DCK: variants seen among roughly 807,000 people sequenced by gnomAD.
DCK encodes the protein deoxycytidine kinase.
DCK carries 23 observed loss-of-function variants against 38.3 expected under a neutral mutation model. The ratio of observed to expected loss-of-function variants is 0.60; its 90% CI spans 0.43 to 0.85. DCK has a LOEUF of 0.85. Ranked by LOEUF, DCK falls within the 40% of genes least tolerant of loss-of-function variation. The pLI, the probability that DCK is intolerant of heterozygous loss-of-function variation, is 0.00. For missense variants in DCK, 259 were observed against 304.4 expected, an observed-to-expected ratio of 0.85 and a Z score of 1.11; for synonymous variants, 108 against 100.6, an observed-to-expected ratio of 1.07 and a Z score of -0.44.
At chr4:70,998,324 G>GAT (rs1739705806) in intron 2 of DCK, 142 bp downstream of exon 2, 2 of 469,024 alleles carry the variant, frequency 4.3e-6, no homozygotes, top group Admixed American at 4.0e-5. Context: ...TGGTTACATG[G>GAT]ATATATATAC....
At chr4:71,022,315 C>A in intron 2 of DCK, 52 bp from the exon 3 acceptor site, 5 of 966,268 alleles carry the variant, frequency 5.2e-6, no homozygotes, top group Non-Finnish European at 7.5e-6. Context: ...ATTAAAATAG[C>A]CCTATTGACC....
At chr4:71,015,359 G>A (rs1740232292) in intron 2 of DCK, among the ~76,000 whole-genome samples, 1 of 152,206 alleles carries the variant, frequency 6.6e-6, no homozygotes, top group Non-Finnish European at 1.5e-5. Context: ...GCAGTACAAG[G>A]AGGAGCTGGT....
intron 2 of DCK, among the ~76,000 whole-genome samples, chr4:71,009,513 G>C (rs774395176): frequency 6.6e-6 from 1 of 152,112 alleles, no homozygotes; most frequent in Non-Finnish European, 1.5e-5. Context: ...CATGTTTATG[G>C]GATGGGACAT....
rs1740655513 is a variant in DCK, at chr4:71,030,318, G to T, written c.*940G>T. ...ATATATTTTCTTTCTAGTTTGTTTA[G>T]TTAAGGTGTGCAGTGTTTTTCCTGT... On this transcript the variant is annotated 3_prime_UTR_variant, in exon 7 of 7. Coordinates refer to ENST00000286648, the MANE Select transcript of DCK (RefSeq NM_000788.3). The T allele has an allele frequency of 6.6e-6, 1 of 152,100 alleles. No homozygotes were observed. Among genetic ancestry groups the T allele is most frequent in the African/African-American group, 2.4e-5 (1 of 41,408 alleles). 9.4% of individuals were successfully genotyped at this position (152,100 alleles called of 1,614,324 possible).
At chr4:71,013,867 C>G (rs1182105551) in intron 2 of DCK, among the ~76,000 whole-genome samples, 2 of 152,112 alleles carry the variant, frequency 1.3e-5, no homozygotes, top group Non-Finnish European at 2.9e-5. Context: ...AGCAAAATAA[C>G]CAGCTAACAT....
chr4:71,030,379 T>G lies in DCK; in HGVS notation c.*1001T>G, dbSNP rs559444629. On this transcript the variant is annotated 3_prime_UTR_variant, in exon 7 of 7. Transcript: ENST00000286648. ...TTTCCATTTTACGTTTTAGAAAATTTTATGTATTTTAAAATAAGGGGAAGA... is the reference window on the plus strand; with the variant it reads ...TTTCCATTTTACGTTTTAGAAAATTGTATGTATTTTAAAATAAGGGGAAGA... 1 of 152,286 alleles carries G rather than the reference T, an allele frequency of 6.6e-6. No individual in the cohort carries two copies. The highest frequency in any genetic ancestry group is 2.1e-4 in the South Asian group (1 of 4,830). 9.4% of individuals were successfully genotyped at this position (152,286 alleles called of 1,614,324 possible). A position where few individuals can be genotyped will look rare whatever the true frequency, so the allele number is the denominator to read the frequency against.
intron 2 of DCK, among the ~76,000 whole-genome samples, chr4:71,021,161 C>T (rs995371886): frequency 2.0e-5 from 3 of 150,672 alleles, no homozygotes; most frequent in African/African-American, 7.3e-5. Context: ...CTGCAAGCTC[C>T]GCTTCCCGGG....
At chr4:71,015,432 A>G (rs1462228964) in intron 2 of DCK, among the ~76,000 whole-genome samples, 4 of 152,244 alleles carry the variant, frequency 2.6e-5, no homozygotes, top group Non-Finnish European at 5.9e-5. Context: ...AACTCATTTT[A>G]TGAGGCCAGT....
chr4:71,018,732 C>T (rs529050910), intron 2 of DCK, among the ~76,000 whole-genome samples: 3 of 143,638 alleles, frequency 2.1e-5, no homozygotes, highest in Non-Finnish European at 4.5e-5. Context: ...AGTGCAGTGG[C>T]ACAATCTTGG....
intron 2 of DCK, among the ~76,000 whole-genome samples, chr4:71,002,232 G>A (rs936314548): frequency 2.9e-4 from 44 of 152,048 alleles, no homozygotes; most frequent in African/African-American, 1.0e-3. Flanking sequence ...TTATTTACCC[G>A]GTAGTCATTC....
intron 2 of DCK, among the ~76,000 whole-genome samples, chr4:71,007,417 A>T (rs1739972347): frequency 6.6e-6 from 1 of 152,158 alleles, no homozygotes; most frequent in African/African-American, 2.4e-5. Flanking sequence ...CATTCCAGAA[A>T]TCCCTGTTCG....
intron 1 of DCK, among the ~76,000 whole-genome samples, chr4:70,995,115 A>G (rs1311683388): frequency 6.6e-6 from 1 of 152,214 alleles, no homozygotes; most frequent in African/African-American, 2.4e-5. Flanking sequence ...CTCAAAGAGG[A>G]CTTCTTATTT....
intron 2 of DCK, among the ~76,000 whole-genome samples, chr4:71,012,294 G>T (rs955361856): frequency 1.3e-5 from 2 of 151,674 alleles, no homozygotes; most frequent in African/African-American, 4.8e-5. Flanking sequence ...GGAGCCCACC[G>T]CTGCTCAAGG....
intron 4 of DCK, 123 bp downstream of exon 4, chr4:71,023,829 C>G (rs12503595): frequency 7.8e-6 from 6 of 768,960 alleles, no homozygotes; most frequent in Non-Finnish European, 1.2e-5. Flanking sequence ...CTCCCCACCT[C>G]TAAATTAGAA....
chr4:71,028,616 G>A lies in DCK; in HGVS notation c.757-736G>A, dbSNP rs952098374. 1.5e-4 allele frequency: 37 copies of A among 245,450 alleles called. No individual in the cohort carries two copies. The Admixed American group carries it at 1.7e-3, about 11-fold the overall frequency. The allele number at this position is 245,450 out of a possible 1,614,324, so 15.2% of individuals were successfully genotyped here. ...TTTAACAATATTTCTTTTTTTTCTC[G>A]AGACAGTCTTGCTCCGTCGCCCAGG... is the stretch of plus-strand genomic sequence containing the variant. On this transcript the variant is annotated intron_variant, in intron 6 of 6. Coordinates refer to ENST00000286648, the MANE Select transcript of DCK (RefSeq NM_000788.3).
intron 2 of DCK, among the ~76,000 whole-genome samples, chr4:71,014,514 T>C (rs1740201193): frequency 1.3e-5 from 2 of 152,324 alleles, no homozygotes; most frequent in Admixed American, 1.3e-4. Flanking sequence ...ACCACATAGT[T>C]GGAAGTAAAG....
In DCK at chr4:71,026,654, T is replaced by G; in HGVS notation, c.666-11T>G. 7.4e-7 allele frequency: 1 copy of G among 1,355,928 alleles called. No homozygotes were observed. The highest frequency in any genetic ancestry group is 1.0e-6 in the Non-Finnish European group (1 of 960,810). 84.0% of individuals were successfully genotyped at this position (1,355,928 alleles called of 1,614,324 possible). ...TTTCTGATTATTTTATTAATCTCTCTTTTTAAACAGAACCAACTTCGATTA... is the reference window on the plus strand; with the variant it reads ...TTTCTGATTATTTTATTAATCTCTCGTTTTAAACAGAACCAACTTCGATTA... On this transcript the variant is annotated splice_polypyrimidine_tract_variant and intron_variant, in intron 5 of 6. Coordinates refer to ENST00000286648, the MANE Select transcript of DCK (RefSeq NM_000788.3).
At position 71,030,899 on chromosome 4, in the gene DCK, T is replaced by C. The variant is rs2148921356; in HGVS notation, c.*1521T>C. 6.6e-6 allele frequency: 1 copy of C among 152,310 alleles called. No homozygotes were observed. The highest frequency in any genetic ancestry group is 2.4e-5 in the African/African-American group (1 of 41,578). The allele number at this position is 152,310 out of a possible 1,614,324, so 9.4% of individuals were successfully genotyped here. On this transcript the variant is annotated 3_prime_UTR_variant, in exon 7 of 7. Coordinates refer to ENST00000286648, the MANE Select transcript of DCK (RefSeq NM_000788.3). ...ACGCTAATAAAAATTTATTATTTAT[T>C]TGTCATGACTCAAAAGTTGTCTCAG...
chr4:71,009,853 A>C (rs60626187), intron 2 of DCK, among the ~76,000 whole-genome samples: 66 of 152,288 alleles, frequency 4.3e-4, no homozygotes, highest in African/African-American at 1.5e-3. Context: ...ATTTTCTTCC[A>C]CTAAACTCAA....
Sources: gnomAD v4.1 joint callset for allele counts (sites outside exome capture counted in the v4.1 genomes callset) on GRCh38, gnomAD v4.1.1 for gene constraint, MANE v1.5 for transcripts, NCBI Gene and HGNC (gene_info 2026-07-23, HGNC 2026-07-21) for gene names.